Variants in CREG1 observed in about 807,000 individuals in gnomAD.
CREG1 encodes the protein protein CREG1.
CREG1 carries 20 observed loss-of-function variants against 19.9 expected under a neutral mutation model. The ratio of observed to expected loss-of-function variants is 1.01; its 90% CI spans 0.71 to 1.46. CREG1 has a LOEUF of 1.46. Among genes scored for constraint, CREG1 ranks in the 40% most tolerant of loss-of-function variants. CREG1 has a pLI of 0.00. For synonymous variants in CREG1, 141 were observed against 143.3 expected, an observed-to-expected ratio of 0.98 and a Z score of 0.12; for missense variants, 290 against 314.9, an observed-to-expected ratio of 0.92 and a Z score of 0.60.
intron 3 of CREG1, among the ~76,000 whole-genome samples, chr1:167,543,677 C>T (rs1241174488): frequency 6.6e-6 from 1 of 152,200 alleles, no homozygotes; most frequent in Admixed American, 6.5e-5. Flanking sequence ...CTCCTAGACT[C>T]GGAGATGGAC....
Position 167,546,275 on chromosome 1 carries a change from GT to G in CREG1, c.484del (p.Thr162GlnfsTer17), listed in dbSNP as rs1207229303. 1.3e-6 allele frequency: 2 copies of G among 1,592,420 alleles called. No homozygotes were observed. Among genetic ancestry groups the G allele is most frequent in the Admixed American group, 3.5e-5 (2 of 56,508 alleles). On this transcript the variant is annotated frameshift_variant, in exon 3 of 4. Transcript: ENST00000370509. LOFTEE classifies it high-confidence loss of function. ...CGAATGCTTTGCAATATCCATTTCT[GT>G]TTCATTCACCTAAAGGACATATATG... ...LSGTVTKVNE[T>X]EMDIAKHSLF...
In CREG1 at chr1:167,541,496, A is replaced by G. The variant is rs1410577493; in HGVS notation, c.*802T>C. ...CATGCCTGGGTAAACTTTACTTATA[A>G]AAGAATACCAGGAACACACAAAATA... On this transcript the variant is annotated 3_prime_UTR_variant, in exon 4 of 4. Transcript: ENST00000370509. 6.6e-6 allele frequency: 1 copy of G among 152,196 alleles called. No homozygotes were observed. The highest frequency in any genetic ancestry group is 1.9e-4 in the East Asian group (1 of 5,200). The allele number at this position is 152,196 out of a possible 1,614,324, so 9.4% of individuals were successfully genotyped here.
chr1:167,548,241 T>A, intron 1 of CREG1, 120 bp from the exon 2 acceptor site: 1 of 658,718 alleles, frequency 1.5e-6, no homozygotes, highest in Non-Finnish European at 2.5e-6. Flanking sequence ...AAACAATGAA[T>A]CATAAAACAT....
chr1:167,545,075 T>G (rs1041471153), intron 3 of CREG1, among the ~76,000 whole-genome samples: 5 of 152,182 alleles, frequency 3.3e-5, no homozygotes, highest in Admixed American at 3.3e-4. Flanking sequence ...CTCCCTTCCA[T>G]GCACTTCTTA....
intron 1 of CREG1, among the ~76,000 whole-genome samples, chr1:167,551,514 G>T (rs1365705765): frequency 6.6e-6 from 1 of 152,180 alleles, no homozygotes; most frequent in Admixed American, 6.6e-5. Context: ...GCCATTAGCT[G>T]ACTGGTCACA....
chr1:167,543,423 T>A (rs774731825), intron 3 of CREG1, among the ~76,000 whole-genome samples: 1 of 152,184 alleles, frequency 6.6e-6, no homozygotes, highest in South Asian at 2.1e-4. Context: ...TCTCCATCTG[T>A]GTGAAACAGA....
At position 167,548,249 on chromosome 1, in the gene CREG1, C is replaced by T. The variant is rs139296899; in HGVS notation, c.355-128G>A. ...TTCCACGAAACAATGAATCATAAAACATCACCTTCCACTCAGGGGAAAATA... is the reference window on the plus strand; with the variant it reads ...TTCCACGAAACAATGAATCATAAAATATCACCTTCCACTCAGGGGAAAATA... On this transcript the variant is annotated intron_variant, in intron 1 of 3. Transcript: ENST00000370509. 8.4e-3 allele frequency: 5,301 copies of T among 629,860 alleles called. 39 individuals are homozygous for T. The highest frequency in any genetic ancestry group is 0.017 in the South Asian group (584 of 35,076). 39.0% of individuals were successfully genotyped at this position (629,860 alleles called of 1,614,324 possible).
intron 1 of CREG1, among the ~76,000 whole-genome samples, chr1:167,551,734 T>C (rs556466654): frequency 2.7e-4 from 41 of 152,346 alleles, no homozygotes; most frequent in African/African-American, 9.9e-4. Flanking sequence ...ATAAAATACC[T>C]TGGCATCCCA....
At chr1:167,546,918 T>C (rs1442144195) in intron 2 of CREG1, among the ~76,000 whole-genome samples, 3 of 152,212 alleles carry the variant, frequency 2.0e-5, no homozygotes, top group African/African-American at 7.2e-5. Flanking sequence ...ACATGTAATG[T>C]TTAGCATATT....
intron 1 of CREG1, among the ~76,000 whole-genome samples, chr1:167,550,204 G>T (rs1292524602): frequency 6.6e-6 from 1 of 151,946 alleles, no homozygotes. Flanking sequence ...GGCCAGGCTG[G>T]TCTCAAACTC....
intron 1 of CREG1, among the ~76,000 whole-genome samples, chr1:167,549,390 GTTT>G (rs5778557): frequency 7.1e-6 from 1 of 141,080 alleles, no homozygotes; most frequent in Admixed American, 7.0e-5. Flanking sequence ...ATTTTTTTTT[GTTT>G]TTTTTTTTTG....
At chr1:167,548,207 C>A in intron 1 of CREG1, 86 bp from the exon 2 acceptor site, 1 of 1,028,432 alleles carries the variant, frequency 9.7e-7, no homozygotes, top group East Asian at 2.4e-5. Flanking sequence ...CATGATGTCC[C>A]TAGAGCTTGA....
intron 3 of CREG1, among the ~76,000 whole-genome samples, chr1:167,543,942 G>T (rs1656272152): frequency 1.3e-5 from 2 of 152,216 alleles, no homozygotes; most frequent in South Asian, 4.1e-4. Context: ...GTTTTATTTT[G>T]TTATTAAACC....
At chr1:167,542,617 T>C (rs1480104398) in intron 3 of CREG1, among the ~76,000 whole-genome samples, 1 of 152,230 alleles carries the variant, frequency 6.6e-6, no homozygotes, top group Non-Finnish European at 1.5e-5. Flanking sequence ...GTGGCTGCTG[T>C]TGTTATCTCA....
chr1:167,542,507 G>C (rs981856421), intron 3 of CREG1, among the ~76,000 whole-genome samples: 3 of 152,128 alleles, frequency 2.0e-5, no homozygotes, highest in Non-Finnish European at 4.4e-5. Flanking sequence ...TTGAGGGTGG[G>C]GCCTAGGAAT....
rs1656236027 is a variant in CREG1 at position 167,542,053 on chromosome 1, G to A, written c.*245C>T. The A allele has an allele frequency of 2.5e-6, 1 of 398,756 alleles. No homozygotes were observed. The highest frequency in any genetic ancestry group is 4.5e-5 in the Admixed American group (1 of 22,386). The allele number at this position is 398,756 out of a possible 1,614,324, so 24.7% of individuals were successfully genotyped here. A position where few individuals can be genotyped will look rare whatever the true frequency, so the allele number is the denominator to read the frequency against. On this transcript the variant is annotated 3_prime_UTR_variant, in exon 4 of 4. Transcript: ENST00000370509. Reference sequence around the variant, plus strand: ...CAAAACTTATTTGATTATAGTGAAGGATATTTCTCTACGAAAATGGCTTCA... The same window carrying A: ...CAAAACTTATTTGATTATAGTGAAGAATATTTCTCTACGAAAATGGCTTCA...
intron 1 of CREG1, among the ~76,000 whole-genome samples, chr1:167,549,073 T>G (rs1199681758): frequency 1.3e-5 from 2 of 152,082 alleles, no homozygotes; most frequent in Non-Finnish European, 2.9e-5. Context: ...AAAACCAGGA[T>G]AGAAGGTGGG....
chr1:167,553,451 G>C lies in CREG1; in HGVS notation c.291C>G (p.Gly97=), dbSNP rs1023797901. ...AGAAATAGGGCACGCCGCTGCCCGC[G>C]CCCGGGGGCCCGTCGCTGAGCGAGA... ...DVLSLSDGPP[G]AGSGVPYFYL... Residue 97 remains glycine (G), a synonymous_variant, in exon 1 of 4, where the codon GGC becomes GGG. Transcript: ENST00000370509. 10 of 1,480,878 alleles carry C rather than the reference G, an allele frequency of 6.8e-6. No homozygotes were observed. The highest frequency in any genetic ancestry group is 4.4e-5 in the African/African-American group (3 of 68,508). 91.7% of individuals were successfully genotyped at this position (1,480,878 alleles called of 1,614,324 possible).
intron 3 of CREG1, among the ~76,000 whole-genome samples, chr1:167,543,071 C>A (rs990080420): frequency 1.3e-5 from 2 of 152,050 alleles, no homozygotes; most frequent in African/African-American, 4.8e-5. Context: ...CATGATGAAA[C>A]CCTGCCTCTA....
Sources: gnomAD v4.1 joint callset for allele counts (sites outside exome capture counted in the v4.1 genomes callset) on GRCh38, gnomAD v4.1.1 for gene constraint, MANE v1.5 for transcripts, NCBI Gene and HGNC (gene_info 2026-07-23, HGNC 2026-07-21) for gene names.